PAQR9: variants seen among roughly 807,000 people sequenced by gnomAD.
The protein encoded by PAQR9 is membrane progestin receptor epsilon.
In PAQR9, 12 loss-of-function variants were observed where a neutral mutation model predicts 24.0. The ratio of observed to expected loss-of-function variants is 0.50; its 90% CI spans 0.32 to 0.81. The LOEUF (loss-of-function observed/expected upper bound fraction) is 0.81, where lower values mean the gene tolerates loss of function less well. Ranked by LOEUF, PAQR9 falls within the 30% of genes least tolerant of loss-of-function variation. PAQR9 has a pLI of 0.03. For synonymous variants in PAQR9, 266 were observed against 237.6 expected (o/e 1.12, Z -1.10); for missense variants, 418 against 520.8 (o/e 0.80, Z 1.92).
Position 142,962,639 on chromosome 3 carries a change from G to T in PAQR9, c.698C>A (p.Thr233Asn). ...ACTVACCKSRTDWCTYPFALR... is the reference protein window; with the variant it reads ...ACTVACCKSRNDWCTYPFALR... ...CGCGAACGGGTAGGTACACCAGTCG[G>T]TACGGCTCTTGCAGCAGGCCACAGT... The change falls in exon 1 of 1, where the codon ACC becomes AAC. Residue 233 changes from threonine to asparagine, a missense_variant. Transcript: ENST00000340634. 6.2e-7 allele frequency: 1 copy of T among 1,611,800 alleles called. No individual in the cohort carries two copies. Among genetic ancestry groups the T allele is most frequent in the Non-Finnish European group, 8.5e-7 (1 of 1,179,108 alleles).
chr3:142,956,381 T>C lies in PAQR9; in HGVS notation c.*5822A>G, dbSNP rs1934791368. Among the ~76,000 whole-genome samples, 1 of 152,232 alleles carries C rather than the reference T, an allele frequency of 6.6e-6. No homozygotes were observed. The highest frequency in any genetic ancestry group is 2.4e-5 in the African/African-American group (1 of 41,468). On this transcript the variant is annotated 3_prime_UTR_variant, in exon 1 of 1. Transcript: ENST00000340634. ...TATAAGGCATGAGGGAAAGGTGGCC[T>C]GTCACTTTTACACATTGGAGAATAA...
In PAQR9 at chr3:142,961,282, T is replaced by C. The variant is rs1201386949; in HGVS notation, c.*921A>G. The C allele has an allele frequency of 2.0e-5, 3 of 151,874 alleles. No homozygotes were observed. Among genetic ancestry groups the C allele is most frequent in the Non-Finnish European group, 4.4e-5 (3 of 67,902 alleles). The allele number at this position is 151,874 out of a possible 1,614,324, so 9.4% of individuals were successfully genotyped here. A position where few individuals can be genotyped will look rare whatever the true frequency, so the allele number is the denominator to read the frequency against. ...TTATTCCAGTGGCAATTTAAATAAG[T>C]AGAGAAGGAAAAAAAAAGATTAAAA... is the stretch of plus-strand genomic sequence containing the variant. On this transcript the variant is annotated 3_prime_UTR_variant, in exon 1 of 1. Coordinates refer to ENST00000340634, the MANE Select transcript of PAQR9 (RefSeq NM_198504.4).
Position 142,959,793 on chromosome 3 carries a change from T to G in PAQR9, c.*2410A>C, listed in dbSNP as rs1934858810. Among the ~76,000 whole-genome samples the G allele has an allele frequency of 1.3e-5, 2 of 152,216 alleles. No individual in the cohort carries two copies. Among genetic ancestry groups the G allele is most frequent in the South Asian group, 4.1e-4 (2 of 4,828 alleles). ...GGTGTTTTAGTTATTGTTCTCAAAC[T>G]CATTAATCCTTGCTAGAAGTCTTCC... On this transcript the variant is annotated 3_prime_UTR_variant, in exon 1 of 1. Coordinates refer to ENST00000340634, the MANE Select transcript of PAQR9 (RefSeq NM_198504.4).
chr3:142,957,618 T>C lies in PAQR9; in HGVS notation c.*4585A>G, dbSNP rs1578079701. Among the ~76,000 whole-genome samples the C allele has an allele frequency of 6.6e-6, 1 of 152,316 alleles. No homozygotes were observed. The highest frequency in any genetic ancestry group is 2.1e-4 in the South Asian group (1 of 4,830). On this transcript the variant is annotated 3_prime_UTR_variant, in exon 1 of 1. Transcript: ENST00000340634. ...TATAAAATTCAGACACTTAAAGACA[T>C]CTCAATTTAGGCACTTTGGATGATC...
In PAQR9 at chr3:142,954,701, A is replaced by T. The variant is rs938981767; in HGVS notation, c.*7502T>A. ...ACTGTAGGGAACAAATGTCTCAGGA[A>T]ACCAAAATCATAGCAAATCATACAA... On this transcript the variant is annotated 3_prime_UTR_variant, in exon 1 of 1. Transcript: ENST00000340634. Among the ~76,000 whole-genome samples the T allele has an allele frequency of 6.6e-6, 1 of 152,254 alleles. No individual in the cohort carries two copies. The highest frequency in any genetic ancestry group is 1.5e-5 in the Non-Finnish European group (1 of 68,044).
At position 142,963,215 on chromosome 3, in the gene PAQR9, G is replaced by A; in HGVS notation, c.122C>T (p.Ala41Val). The A allele has an allele frequency of 6.4e-7, 1 of 1,564,672 alleles. No individual in the cohort carries two copies. The highest frequency in any genetic ancestry group is 8.7e-7 in the Non-Finnish European group (1 of 1,155,634). Residue 41 changes from alanine to valine, a missense_variant, in exon 1 of 1, where the codon GCC becomes GTC. Transcript: ENST00000340634. ...SAASRDPPAS[A>V]KPLLRWDEVP... is the part of the protein sequence containing the mutation. ...CTCGTCCCAGCGCAGCAGCGGCTTG[G>A]CAGACGCTGGGGGGTCCCGGGAGGC...
In PAQR9 at chr3:142,958,188, C is replaced by A. The variant is rs1337410749; in HGVS notation, c.*4015G>T. On this transcript the variant is annotated 3_prime_UTR_variant, in exon 1 of 1. Coordinates refer to ENST00000340634, the MANE Select transcript of PAQR9 (RefSeq NM_198504.4). Reference sequence around the variant, plus strand: ...CAGTTGAAGAACAAGATGGTAACAACCATTTTAAGTGGCTGATAACATTTT... The same window carrying A: ...CAGTTGAAGAACAAGATGGTAACAAACATTTTAAGTGGCTGATAACATTTT... Among the ~76,000 whole-genome samples the A allele has an allele frequency of 6.6e-6, 1 of 152,196 alleles. No individual in the cohort carries two copies. The highest frequency in any genetic ancestry group is 1.5e-5 in the Non-Finnish European group (1 of 68,028).
chr3:142,952,671 A>G (rs1934732315), downstream of PAQR9: 1 of 434,990 alleles, frequency 2.3e-6, no homozygotes, highest in Non-Finnish European at 4.6e-6. Flanking sequence ...GCCCCACTCT[A>G]TGTTCTGGCT....
In PAQR9 at chr3:142,963,228, G is replaced by A. The variant is rs766969033; in HGVS notation, c.109C>T (p.Pro37Ser). ...RNSHSAASRDPPASAKPLLRW... is the reference protein window; with the variant it reads ...RNSHSAASRDSPASAKPLLRW... ...AGCAGCGGCTTGGCAGACGCTGGGG[G>A]GTCCCGGGAGGCGGCAGAGTGGGAG... The change falls in exon 1 of 1, where the codon CCC becomes TCC. Residue 37 changes from proline (P) to serine (S), a missense_variant. Physicochemically the swap from Pro to Ser is moderately conservative, Grantham distance 74. Coordinates refer to ENST00000340634, the MANE Select transcript of PAQR9 (RefSeq NM_198504.4). The A allele has an allele frequency of 1.2e-5, 18 of 1,550,800 alleles. No homozygotes were observed. Among genetic ancestry groups the A allele is most frequent in the Middle Eastern group, 3.3e-4 (2 of 5,982 alleles).
At position 142,962,158 on chromosome 3, in the gene PAQR9, C is replaced by T; in HGVS notation, c.*45G>A. The T allele has an allele frequency of 2.6e-6, 4 of 1,568,406 alleles. No individual in the cohort carries two copies. The highest frequency in any genetic ancestry group is 3.5e-6 in the Non-Finnish European group (4 of 1,150,350). On this transcript the variant is annotated 3_prime_UTR_variant, in exon 1 of 1. Coordinates refer to ENST00000340634, the MANE Select transcript of PAQR9 (RefSeq NM_198504.4). ...AAACCAACAATAGCAACAACAGAAA[C>T]TCCAAACAGATGGGCGAACCAGTAG...
chr3:142,960,999 C>G lies in PAQR9; in HGVS notation c.*1204G>C, dbSNP rs1934879786. Reference sequence around the variant, plus strand: ...GGATGGCATCAGTCTAGAACTTCTCCCATGGCTGCATTAGAAACACATCTA... The same window carrying G: ...GGATGGCATCAGTCTAGAACTTCTCGCATGGCTGCATTAGAAACACATCTA... On this transcript the variant is annotated 3_prime_UTR_variant, in exon 1 of 1. Coordinates refer to ENST00000340634, the MANE Select transcript of PAQR9 (RefSeq NM_198504.4). 1 of 152,198 alleles carries G rather than the reference C, an allele frequency of 6.6e-6. No homozygotes were observed. The highest frequency in any genetic ancestry group is 6.5e-5 in the Admixed American group (1 of 15,270). 9.4% of individuals were successfully genotyped at this position (152,198 alleles called of 1,614,324 possible).
chr3:142,954,343 G>A (rs1934761077), downstream of PAQR9, among the ~76,000 whole-genome samples: 2 of 152,114 alleles, frequency 1.3e-5, no homozygotes, highest in African/African-American at 2.4e-5. Context: ...TACAAGATAT[G>A]GCTTCAAAGT....
chr3:142,963,360 G>A lies in PAQR9; in HGVS notation c.-24C>T. 8.3e-7 allele frequency: 1 copy of A among 1,198,224 alleles called. No individual in the cohort carries two copies. Among genetic ancestry groups the A allele is most frequent in the South Asian group, 4.2e-5 (1 of 23,988 alleles). The allele number at this position is 1,198,224 out of a possible 1,614,324, so 74.2% of individuals were successfully genotyped here. ...ATGGTGCCCGGGGCTCGGCTAGGGC[G>A]CGCGCAGGCGACCTCTGGCGCCGGC... On this transcript the variant is annotated 5_prime_UTR_variant, in exon 1 of 1. Transcript: ENST00000340634.
downstream of PAQR9, chr3:142,950,416 A>C: frequency 4.7e-6 from 1 of 213,656 alleles, no homozygotes. Flanking sequence ...CTGTGACTTC[A>C]TGTCTCTGAT....
At position 142,962,674 on chromosome 3, in the gene PAQR9, C is replaced by T. The variant is rs369193151; in HGVS notation, c.663G>A (p.Ala221=). 6.2e-7 allele frequency: 1 copy of T among 1,611,816 alleles called. No homozygotes were observed. The highest frequency in any genetic ancestry group is 1.3e-5 in the African/African-American group (1 of 74,932). ...ALVLPVAFVL[A]VACTVACCKS... is the part of the protein sequence containing the mutation. ...TGCAGCAGGCCACAGTGCAAGCCACCGCCAGCACGAAGGCCACAGGCAGCA... is the reference window on the plus strand; with the variant it reads ...TGCAGCAGGCCACAGTGCAAGCCACTGCCAGCACGAAGGCCACAGGCAGCA... The change falls in exon 1 of 1, where the codon GCG becomes GCA. Residue 221 remains alanine, a synonymous_variant. Coordinates refer to ENST00000340634, the MANE Select transcript of PAQR9 (RefSeq NM_198504.4).
In PAQR9 at chr3:142,961,361, A is replaced by G. The variant is rs1934885370; in HGVS notation, c.*842T>C. 1 of 152,650 alleles carries G rather than the reference A, an allele frequency of 6.6e-6. No individual in the cohort carries two copies. The highest frequency in any genetic ancestry group is 1.5e-5 in the Non-Finnish European group (1 of 68,050). The allele number at this position is 152,650 out of a possible 1,614,324, so 9.5% of individuals were successfully genotyped here. A position where few individuals can be genotyped will look rare whatever the true frequency, so the allele number is the denominator to read the frequency against. The stretch of plus-strand genomic sequence containing the variant: ...GGTTTTGTGGAATACATTAAAGTAA[A>G]CAAAAATCTGGGGTCTATACAAACC... On this transcript the variant is annotated 3_prime_UTR_variant, in exon 1 of 1. Coordinates refer to ENST00000340634, the MANE Select transcript of PAQR9 (RefSeq NM_198504.4).
chr3:142,963,278 G>C lies in PAQR9; in HGVS notation c.59C>G (p.Pro20Arg). The C allele has an allele frequency of 6.7e-7, 1 of 1,483,900 alleles. No homozygotes were observed. The highest frequency in any genetic ancestry group is 8.9e-7 in the Non-Finnish European group (1 of 1,120,544). The allele number at this position is 1,483,900 out of a possible 1,614,324, so 91.9% of individuals were successfully genotyped here. A position where few individuals can be genotyped will look rare whatever the true frequency, so the allele number is the denominator to read the frequency against. ...AGTKGPPAPA[P>R]AASGAARNSH... ...GTTCCGGGCGGCCCCCGAAGCTGCC[G>C]GGGCCGGGGCCGGAGGGCCTTTTGT... The change falls in exon 1 of 1, where the codon CCG becomes CGG. Residue 20 changes from proline (P) to arginine (R), a missense_variant. By Grantham distance (103) the Pro-to-Arg change is moderately radical. Around this residue, in one of 3 missense-constraint regions of PAQR9, gnomAD observed 180 missense variants for 190.3 expected, o/e 0.95. Transcript: ENST00000340634.
In PAQR9 at chr3:142,959,081, T is replaced by C. The variant is rs1232320892; in HGVS notation, c.*3122A>G. 1.3e-5 allele frequency among the ~76,000 whole-genome samples: 2 copies of C among 152,210 alleles called. No homozygotes were observed. Among genetic ancestry groups the C allele is most frequent in the Non-Finnish European group, 2.9e-5 (2 of 68,036 alleles). On this transcript the variant is annotated 3_prime_UTR_variant, in exon 1 of 1. Transcript: ENST00000340634. ...AGTAAAAATGAAACATATTACATAA[T>C]ATGCTTCAAAATTCTACTGCCAAAA...
At chr3:142,952,952 T>C, downstream of PAQR9, 1 of 451,804 alleles carries the variant, frequency 2.2e-6, no homozygotes. Flanking sequence ...CAAGCAGATA[T>C]TTGGCACAGG....
Sources: gnomAD v4.1 joint callset for allele counts (sites outside exome capture counted in the v4.1 genomes callset) on GRCh38, gnomAD v4.1.1 for gene constraint, gnomAD v4.1.1 regional missense constraint, MANE v1.5 for transcripts, NCBI Gene and HGNC (gene_info 2026-07-23, HGNC 2026-07-21) for gene names.